GRIP1: variants seen among roughly 807,000 people sequenced by gnomAD.
GRIP1 encodes glutamate receptor interacting protein 1, also known as glutamate receptor-interacting protein 1.
Under a neutral mutation model 129.9 loss-of-function variants are expected in GRIP1, and 45 were observed. That is an observed-to-expected ratio of 0.35 (90% CI 0.27 to 0.44). GRIP1 has a LOEUF of 0.44. GRIP1 is among the 20% of genes least tolerant of loss of function. GRIP1 has a pLI of 1.00. For synonymous variants in GRIP1, 530 were observed against 520.8 expected, an observed-to-expected ratio of 1.02 and a Z score of -0.24; for missense variants, 1,196 against 1,396.8, an observed-to-expected ratio of 0.86 and a Z score of 2.29.
At chr12:66,645,241 G>C (rs1446014035) in intron 1 of GRIP1, among the ~76,000 whole-genome samples, 1 of 152,066 alleles carries the variant, frequency 6.6e-6, no homozygotes, top group Non-Finnish European at 1.5e-5. Flanking sequence ...TTATCTTATT[G>C]ATGAGGAAAC....
intron 1 of GRIP1, among the ~76,000 whole-genome samples, chr12:66,891,415 A>G (rs1194201857): frequency 6.6e-6 from 1 of 152,190 alleles, no homozygotes; most frequent in Non-Finnish European, 1.5e-5. Flanking sequence ...TTTCAGAAGG[A>G]TGGGACAGTG....
At chr12:66,904,203 G>C (rs539319349) in intron 1 of GRIP1, among the ~76,000 whole-genome samples, 4 of 152,214 alleles carry the variant, frequency 2.6e-5, no homozygotes, top group Admixed American at 6.5e-5. Flanking sequence ...ATATAGGCTA[G>C]AGGGCACTGT....
intron 2 of GRIP1, among the ~76,000 whole-genome samples, chr12:66,553,096 C>T (rs1421976313): frequency 6.6e-6 from 1 of 152,224 alleles, no homozygotes; most frequent in Admixed American, 6.5e-5. Context: ...CCTTTCATTT[C>T]TTCTGCTCTA....
intron 1 of GRIP1, among the ~76,000 whole-genome samples, chr12:66,946,188 G>T (rs142474812): frequency 9.9e-4 from 151 of 152,188 alleles, no homozygotes; most frequent in Middle Eastern, 3.4e-3. Flanking sequence ...CTCACTATTT[G>T]CTTGCTCTTC....
chr12:67,002,896 T>C (rs75274410), intron 1 of GRIP1, among the ~76,000 whole-genome samples: 3,964 of 152,262 alleles, frequency 0.026, 174 homozygotes, highest in African/African-American at 0.09. Context: ...GGAAGGGTAT[T>C]TGGAGAAGAG....
chr12:66,885,314 T>A (rs2040547452), intron 1 of GRIP1, among the ~76,000 whole-genome samples: 1 of 152,066 alleles, frequency 6.6e-6, no homozygotes, highest in Non-Finnish European at 1.5e-5. Context: ...CAGTTCCCCT[T>A]GGCACCTGCA....
At chr12:66,761,378 G>C (rs557069017) in intron 1 of GRIP1, among the ~76,000 whole-genome samples, 1 of 152,112 alleles carries the variant, frequency 6.6e-6, no homozygotes, top group Non-Finnish European at 1.5e-5. Context: ...GATACTTTTT[G>C]CTCCAGCTTA....
At chr12:66,393,172 T>TTG in intron 17 of GRIP1, among the ~76,000 whole-genome samples, 1 of 123,910 alleles carries the variant, frequency 8.1e-6, no homozygotes, top group Non-Finnish European at 1.7e-5. Flanking sequence ...TCTACAGATT[T>TTG]TTTTTTTTTT....
At chr12:66,969,870 T>C (rs913965569) in intron 1 of GRIP1, among the ~76,000 whole-genome samples, 1 of 152,224 alleles carries the variant, frequency 6.6e-6, no homozygotes, top group Non-Finnish European at 1.5e-5. Flanking sequence ...TTCTAATGTC[T>C]AGCTTTTCCT....
intron 2 of GRIP1, among the ~76,000 whole-genome samples, chr12:66,573,619 C>T (rs1382407619): frequency 1.3e-5 from 2 of 152,136 alleles, no homozygotes; most frequent in Non-Finnish European, 2.9e-5. Flanking sequence ...AGCTCCAGAG[C>T]CTGCGTTCCT....
intron 2 of GRIP1, among the ~76,000 whole-genome samples, chr12:66,576,077 G>A (rs2063129065): frequency 6.6e-6 from 1 of 152,188 alleles, no homozygotes; most frequent in Non-Finnish European, 1.5e-5. Flanking sequence ...ATTGAAGGAT[G>A]CCAGAAATCT....
intron 11 of GRIP1, among the ~76,000 whole-genome samples, chr12:66,453,485 A>G (rs1025047816): frequency 6.6e-6 from 1 of 152,238 alleles, no homozygotes; most frequent in East Asian, 1.9e-4. Flanking sequence ...TATTATGCCA[A>G]AATGTACCCC....
intron 1 of GRIP1, among the ~76,000 whole-genome samples, chr12:66,621,653 A>G (rs2065272418): frequency 6.6e-6 from 1 of 152,120 alleles, no homozygotes; most frequent in African/African-American, 2.4e-5. Context: ...TCTATGTTTA[A>G]GTTTTTGAGG....
At chr12:66,617,083 TTTTGTGTG>T (rs1284408447) in intron 1 of GRIP1, among the ~76,000 whole-genome samples, 20 of 51,184 alleles carry the variant, frequency 3.9e-4, no homozygotes, top group African/African-American at 6.3e-4. Flanking sequence ...GCAACAGACG[TTTTGTGTG>T]TGTGTGTGTG....
intron 1 of GRIP1, among the ~76,000 whole-genome samples, chr12:67,013,424 G>A (rs2135720998): frequency 6.6e-6 from 1 of 152,228 alleles, no homozygotes; most frequent in East Asian, 1.9e-4. Flanking sequence ...TATTTTCTCA[G>A]TAATTTATTG....
At chr12:67,003,121 C>A (rs2042576544) in intron 1 of GRIP1, among the ~76,000 whole-genome samples, 1 of 152,098 alleles carries the variant, frequency 6.6e-6, no homozygotes, top group Non-Finnish European at 1.5e-5. Context: ...AAAAAAAATT[C>A]TAAATGTGAA....
chr12:66,447,302 T>A (rs770312499), intron 11 of GRIP1, among the ~76,000 whole-genome samples: 34 of 152,196 alleles, frequency 2.2e-4, no homozygotes, highest in Non-Finnish European at 4.7e-4. Flanking sequence ...TCTATGGTAA[T>A]GCCCGGTCAA....
chr12:66,954,782 C>T (rs1282892262), intron 1 of GRIP1, among the ~76,000 whole-genome samples: 1 of 151,464 alleles, frequency 6.6e-6, no homozygotes, highest in African/African-American at 2.4e-5. Flanking sequence ...GGGACACAGA[C>T]ATTTAAAAAG....
chr12:66,398,313 C>T (rs2056867560), intron 16 of GRIP1, among the ~76,000 whole-genome samples: 1 of 150,958 alleles, frequency 6.6e-6, no homozygotes, highest in South Asian at 2.1e-4. Context: ...GAATAAAATA[C>T]AACCCCTGTG....
Sources: allele counts gnomAD v4.1 joint callset (sites outside exome capture counted in the v4.1 genomes callset), GRCh38; gene constraint gnomAD v4.1.1; transcripts MANE v1.5; gene names NCBI Gene and HGNC (gene_info 2026-07-23, HGNC 2026-07-21).